The following KCNQ2 variants were observed in gnomAD, a reference collection of about 807,000 sequenced individuals.
KCNQ2 encodes potassium voltage-gated channel subfamily KQT member 2.
KCNQ2 carries 14 observed loss-of-function variants against 84.8 expected under a neutral mutation model. The observed-to-expected ratio is 0.17, with a 90% CI of 0.11 to 0.26. The LOEUF is 0.26. KCNQ2 is among the 10% of genes least tolerant of loss of function. KCNQ2 has a pLI of 1.00. For missense variants in KCNQ2, 788 were observed against 1,254.0 expected (o/e 0.63, Z 5.61); for synonymous variants, 599 against 554.1 (o/e 1.08, Z -1.14).
intron 1 of KCNQ2, among the ~76,000 whole-genome samples, chr20:63,458,373 G>A (rs1054799679): frequency 5.3e-5 from 8 of 152,128 alleles, no homozygotes; most frequent in African/African-American, 1.7e-4. Context: ...GACCCCACGC[G>A]ACCCATCCAC....
In KCNQ2 at chr20:63,472,510, G is replaced by C; in HGVS notation, c.-47C>G. 7.3e-7 allele frequency: 1 copy of C among 1,375,086 alleles called. No homozygotes were observed. The highest frequency in any genetic ancestry group is 1.7e-5 in the South Asian group (1 of 59,416). The allele number at this position is 1,375,086 out of a possible 1,614,324, so 85.2% of individuals were successfully genotyped here. A position where few individuals can be genotyped will look rare whatever the true frequency, so the allele number is the denominator to read the frequency against. ...CGGGTCGGGCTCAGGCTCAGCGGGG[G>C]CGGAGCGCGGGGGGCGGCGCGGGCC... On this transcript the variant is annotated 5_prime_UTR_variant, in exon 1 of 17. Coordinates refer to ENST00000359125, the MANE Select transcript of KCNQ2 (RefSeq NM_172107.4).
At chr20:63,423,912 C>G in intron 11 of KCNQ2, 69 of 461,172 alleles carry the variant, frequency 1.5e-4, no homozygotes, top group East Asian at 6.0e-4. Flanking sequence ...GGTGGGGGAT[C>G]CCCCACCCCC....
chr20:63,409,741 G>A (rs989719463), intron 15 of KCNQ2, among the ~76,000 whole-genome samples: 1 of 152,028 alleles, frequency 6.6e-6, no homozygotes, highest in Non-Finnish European at 1.5e-5. Flanking sequence ...ACCTGCCTCT[G>A]ATGGTGGGGG....
chr20:63,414,945 C>G lies in KCNQ2; in HGVS notation c.1483G>C (p.Ala495Pro), dbSNP rs200251507. ...GACGCGGCACCCTTGATGCGGAAAG[C>G]CTGGCGTGCCCGGCTGCGGTCCCCG... is the stretch of plus-strand genomic sequence containing the variant. ...SFGDRSRARQ[A>P]FRIKGAASRQ... The change falls in exon 13 of 17, where the codon GCT (alanine) becomes CCT (proline). Residue 495 changes from alanine to proline, a missense_variant. This residue lies in a region of KCNQ2 where 202 missense variants were observed against 239.4 expected (regional missense o/e 0.84). Coordinates refer to ENST00000359125, the MANE Select transcript of KCNQ2 (RefSeq NM_172107.4). The surrounding 1 kb of genome is among the most constrained non-coding windows in gnomAD (Gnocchi z 6.6). The G allele has an allele frequency of 4.7e-5, 76 of 1,612,694 alleles. No individual in the cohort carries two copies. The highest frequency in any genetic ancestry group is 5.8e-5 in the Non-Finnish European group (68 of 1,179,952).
chr20:63,416,755 G>A (rs1018081473), intron 12 of KCNQ2, among the ~76,000 whole-genome samples: 1 of 152,118 alleles, frequency 6.6e-6, no homozygotes, highest in Non-Finnish European at 1.5e-5. Context: ...CACAGCCAGA[G>A]AGACACGCCC....
Position 63,406,569 on chromosome 20 carries a change from A to G in KCNQ2, c.*75T>C, listed in dbSNP as rs1245690132. Reference sequence around the variant, plus strand: ...AGTTACTGTAAGAAAAGGGCCCCAGAGGGTTCCCGCCTCAAAACCTCGGAG... The same window carrying G: ...AGTTACTGTAAGAAAAGGGCCCCAGGGGGTTCCCGCCTCAAAACCTCGGAG... On this transcript the variant is annotated 3_prime_UTR_variant, in exon 17 of 17. Transcript: ENST00000359125. 4 of 1,464,882 alleles carry G rather than the reference A, an allele frequency of 2.7e-6. No individual in the cohort carries two copies. The highest frequency in any genetic ancestry group is 3.6e-6 in the Non-Finnish European group (4 of 1,110,046). 90.7% of individuals were successfully genotyped at this position (1,464,882 alleles called of 1,614,324 possible). A position where few individuals can be genotyped will look rare whatever the true frequency, so the allele number is the denominator to read the frequency against.
Position 63,402,260 on chromosome 20 carries a change from T to A in KCNQ2, c.*4384A>T, listed in dbSNP as rs899646445. 1.1e-5 allele frequency: 2 copies of A among 186,098 alleles called. No individual in the cohort carries two copies. The highest frequency in any genetic ancestry group is 2.4e-5 in the African/African-American group (1 of 41,612). The allele number at this position is 186,098 out of a possible 1,614,324, so 11.5% of individuals were successfully genotyped here. A position where few individuals can be genotyped will look rare whatever the true frequency, so the allele number is the denominator to read the frequency against. On this transcript the variant is annotated 3_prime_UTR_variant, in exon 17 of 17. Coordinates refer to ENST00000359125, the MANE Select transcript of KCNQ2 (RefSeq NM_172107.4). ...TCTGCCGGGCACCCTCCACGGCAGG[T>A]CCGAGCTTTGTGAACCGTCCCTCTC...
In KCNQ2 at chr20:63,401,014, G is replaced by A. The variant is rs547214802; in HGVS notation, c.*5630C>T. ...TGGCGATGGCGATGTGCACGTGCCTGCCTGGTAGCCCCGGGGACCGGCCCC... is the reference window on the plus strand; with the variant it reads ...TGGCGATGGCGATGTGCACGTGCCTACCTGGTAGCCCCGGGGACCGGCCCC... On this transcript the variant is annotated 3_prime_UTR_variant, in exon 17 of 17. Coordinates refer to ENST00000359125, the MANE Select transcript of KCNQ2 (RefSeq NM_172107.4). The A allele has an allele frequency of 1.8e-5, 7 of 396,914 alleles. No individual in the cohort carries two copies. The East Asian group carries it at 2.5e-4, about 14-fold the overall frequency. 24.6% of individuals were successfully genotyped at this position (396,914 alleles called of 1,614,324 possible).
intron 1 of KCNQ2, among the ~76,000 whole-genome samples, chr20:63,456,218 C>T (rs993663767): frequency 2.0e-5 from 3 of 152,194 alleles, no homozygotes; most frequent in Non-Finnish European, 2.9e-5. Context: ...AGGTCTCCCC[C>T]GCCTTCCTTC....
intron 4 of KCNQ2, among the ~76,000 whole-genome samples, chr20:63,444,195 C>T (rs1441466503): frequency 6.6e-6 from 1 of 152,206 alleles, no homozygotes; most frequent in Non-Finnish European, 1.5e-5. Flanking sequence ...CACTGGGGGG[C>T]CTGGGGCCCC....
At chr20:63,409,650 T>A (rs994739772) in intron 15 of KCNQ2, among the ~76,000 whole-genome samples, 18 of 152,168 alleles carry the variant, frequency 1.2e-4, no homozygotes, top group Non-Finnish European at 2.4e-4. Flanking sequence ...AAGTCTCCCC[T>A]GGACTGGGGC....
At position 63,438,142 on chromosome 20, in the gene KCNQ2, T is replaced by C. The variant is rs937131238; in HGVS notation, c.1023+483A>G. On this transcript the variant is annotated intron_variant, in intron 7 of 16. Transcript: ENST00000359125. The surrounding 1 kb of genome is among the most constrained non-coding windows in gnomAD (Gnocchi z 5.1). The stretch of plus-strand genomic sequence containing the variant: ...CCGTATTTTCAAGGTGGCTCAGGAA[T>C]TACTTGTGGATGCCACAGTGGTCAC... 3.2e-5 allele frequency: 6 copies of C among 190,194 alleles called. No homozygotes were observed. The highest frequency in any genetic ancestry group is 5.6e-5 in the Non-Finnish European group (5 of 90,080). 11.8% of individuals were successfully genotyped at this position (190,194 alleles called of 1,614,324 possible). A position where few individuals can be genotyped will look rare whatever the true frequency, so the allele number is the denominator to read the frequency against.
intron 7 of KCNQ2, among the ~76,000 whole-genome samples, chr20:63,436,782 T>TC (rs2081023404): frequency 6.7e-6 from 1 of 149,768 alleles, no homozygotes; most frequent in African/African-American, 2.5e-5. Context: ...TAACTTTTTT[T>TC]TTTTTTTTTT....
chr20:63,434,039 G>T (rs1315170605), intron 7 of KCNQ2, 136 bp from the exon 8 acceptor site: 12 of 701,514 alleles, frequency 1.7e-5, no homozygotes, highest in Non-Finnish European at 4.9e-6. Context: ...GGGCCAGCAG[G>T]CCAGGCCCCA....
At chr20:63,444,595 C>T (rs995318952) in intron 4 of KCNQ2, 64 bp downstream of exon 4, 13 of 1,379,820 alleles carry the variant, frequency 9.4e-6, no homozygotes, top group African/African-American at 1.5e-5. Flanking sequence ...GGGTGGGGCC[C>T]GGTCTGGGCC....
At position 63,404,353 on chromosome 20, in the gene KCNQ2, G is replaced by T. The variant is rs12625113; in HGVS notation, c.*2291C>A. 47,015 of 144,864 alleles carry T rather than the reference G, an allele frequency of 0.32. 8,117 individuals are homozygous for T. The highest frequency in any genetic ancestry group is 0.51 in the East Asian group (2,540 of 4,968). The allele number at this position is 144,864 out of a possible 1,614,324, so 9.0% of individuals were successfully genotyped here. A position where few individuals can be genotyped will look rare whatever the true frequency, so the allele number is the denominator to read the frequency against. On this transcript the variant is annotated 3_prime_UTR_variant, in exon 17 of 17. Coordinates refer to ENST00000359125, the MANE Select transcript of KCNQ2 (RefSeq NM_172107.4). ...AGAACAGGTGGGGCCACACCTTGGG[G>T]GGGGAGGAAAGAGCAGGTGGGGCCA...
At chr20:63,442,357 CAG>C (rs2081185378) in intron 5 of KCNQ2, 47 bp downstream of exon 5, 6 of 1,613,460 alleles carry the variant, frequency 3.7e-6, no homozygotes, top group African/African-American at 1.3e-5. Flanking sequence ...AGCACAGGGA[CAG>C]GGGTGTATCA....
chr20:63,424,950 T>G (rs990072189), intron 10 of KCNQ2, among the ~76,000 whole-genome samples: 1 of 152,132 alleles, frequency 6.6e-6, no homozygotes. Flanking sequence ...TCCAAATACT[T>G]CATGTGACAG....
intron 4 of KCNQ2, among the ~76,000 whole-genome samples, chr20:63,442,944 TCAC>T (rs2081254297): frequency 2.1e-5 from 1 of 46,896 alleles, no homozygotes; most frequent in East Asian, 8.7e-4. Context: ...ACCACCACCA[TCAC>T]CATCATCACC....
Sources: gnomAD v4.1 joint callset for allele counts (sites outside exome capture counted in the v4.1 genomes callset) on GRCh38, gnomAD v4.1.1 for gene constraint, gnomAD v4.1.1 regional missense constraint, Gnocchi (gnomAD v3.1) non-coding constraint, MANE v1.5 for transcripts, NCBI Gene and HGNC (gene_info 2026-07-23, HGNC 2026-07-21) for gene names.